The following MUSK variants were observed in gnomAD, a reference collection of about 807,000 sequenced individuals.
MUSK encodes the protein muscle, skeletal receptor tyrosine-protein kinase.
Under a neutral mutation model 88.7 loss-of-function variants are expected in MUSK, and 55 were observed. That is an observed-to-expected ratio of 0.62 (90% CI 0.50 to 0.78). The LOEUF (loss-of-function observed/expected upper bound fraction) is 0.78, where lower values mean the gene tolerates loss of function less well. Ranked by LOEUF, MUSK falls within the 30% of genes least tolerant of loss-of-function variation. The pLI, the probability that MUSK is intolerant of heterozygous loss-of-function variation, is 0.00. For synonymous variants in MUSK, 387 were observed against 391.9 expected (o/e 0.99, Z 0.15); for missense variants, 1,015 against 1,074.3 (o/e 0.94, Z 0.77).
At chr9:110,786,574 AT>A (rs2132030209) in intron 13 of MUSK, among the ~76,000 whole-genome samples, 1 of 152,214 alleles carries the variant, frequency 6.6e-6, no homozygotes, top group Admixed American at 6.5e-5. Flanking sequence ...TTTACCATAT[AT>A]TTTTAATCAT....
At chr9:110,785,174 A>G (rs1396257288) in intron 12 of MUSK, among the ~76,000 whole-genome samples, 158 bp downstream of exon 12, 1 of 152,178 alleles carries the variant, frequency 6.6e-6, no homozygotes, top group Non-Finnish European at 1.5e-5. Flanking sequence ...GATCTTTACA[A>G]ATGTCAATGA....
At chr9:110,689,936 A>G (rs866525804) in intron 3 of MUSK, among the ~76,000 whole-genome samples, 1 of 91,066 alleles carries the variant, frequency 1.1e-5, no homozygotes, top group Non-Finnish European at 1.9e-5. Context: ...TATAATATAT[A>G]AATATATATT....
intron 11 of MUSK, among the ~76,000 whole-genome samples, chr9:110,781,304 T>C (rs1209608018): frequency 1.3e-5 from 2 of 151,736 alleles, no homozygotes; most frequent in Admixed American, 1.3e-4. Context: ...TGAGACGGAG[T>C]CTCACTCTGT....
chr9:110,753,976 T>C (rs959700314), intron 7 of MUSK, among the ~76,000 whole-genome samples: 8 of 152,214 alleles, frequency 5.3e-5, no homozygotes, highest in Non-Finnish European at 1.0e-4. Context: ...CCTCCCAATG[T>C]TGGAGATAAT....
chr9:110,704,995 A>AG (rs970037116), intron 5 of MUSK, among the ~76,000 whole-genome samples: 7 of 151,630 alleles, frequency 4.6e-5, no homozygotes, highest in African/African-American at 1.2e-4. Flanking sequence ...AAAAAAAAAA[A>AG]AAAGAAAGAA....
chr9:110,751,147 G>A (rs1482751703), intron 7 of MUSK, among the ~76,000 whole-genome samples: 1 of 152,148 alleles, frequency 6.6e-6, no homozygotes, highest in Non-Finnish European at 1.5e-5. Context: ...CAATCTTTAA[G>A]ATGCCGAGAG....
At position 110,689,021 on chromosome 9, in the gene MUSK, T is replaced by C. The variant is rs144899477; in HGVS notation, c.358+1753T>C. On this transcript the variant is annotated intron_variant, in intron 3 of 14. Coordinates refer to ENST00000374448, the MANE Select transcript of MUSK (RefSeq NM_005592.4). ...TTAAATATATAAAAACATATTTAAA[T>C]ATAAATACGTATAACTATATATTTA... Among the ~76,000 whole-genome samples the C allele has an allele frequency of 1.4e-3, 192 of 142,040 alleles. 1 individual carries two copies. The East Asian group carries it at 0.016, about 12-fold the overall frequency. 93.2% of individuals were successfully genotyped at this position (142,040 alleles called of 152,430 possible).
chr9:110,679,827 C>T (rs570706861), intron 1 of MUSK, among the ~76,000 whole-genome samples: 27 of 148,368 alleles, frequency 1.8e-4, no homozygotes, highest in African/African-American at 6.7e-4. Context: ...TTGTTTATGG[C>T]AAAGAGCTTA....
At chr9:110,694,836 G>A (rs199689321) in intron 3 of MUSK, among the ~76,000 whole-genome samples, 5 of 93,850 alleles carry the variant, frequency 5.3e-5, no homozygotes, top group African/African-American at 2.3e-4. Flanking sequence ...TAAATTACAT[G>A]TTTGAGTCCC....
chr9:110,744,749 G>C (rs150479547), intron 6 of MUSK, among the ~76,000 whole-genome samples: 1 of 152,144 alleles, frequency 6.6e-6, no homozygotes, highest in Non-Finnish European at 1.5e-5. Context: ...CCAGAGCAGG[G>C]AGCTGTGTCT....
In MUSK at chr9:110,687,164, C is replaced by T. The variant is rs2131669595; in HGVS notation, c.254C>T (p.Thr85Ile). ...ATCCGGGAGAATGGGCAGCTCCTCA[C>T]CATCCTGAGTGTGGAAGACAGTGAT... ...YSIRENGQLL[T>I]ILSVEDSDDG... The change falls in exon 3 of 15, where the codon ACC becomes ATC. Residue 85 changes from threonine to isoleucine, a missense_variant. Thr to Ile is a moderately conservative substitution (Grantham distance 89). Coordinates refer to ENST00000374448, the MANE Select transcript of MUSK (RefSeq NM_005592.4). 6 of 1,613,704 alleles carry T rather than the reference C, an allele frequency of 3.7e-6. No individual in the cohort carries two copies. In the East Asian group the frequency reaches 1.3e-4, roughly 36 times the overall value.
intron 3 of MUSK, among the ~76,000 whole-genome samples, chr9:110,689,044 TTAAATATA>T (rs1277645166): frequency 1.4e-5 from 2 of 140,462 alleles, no homozygotes; most frequent in African/African-American, 5.2e-5. Context: ...AACTATATAT[TTAAATATA>T]TAAATATATA....
chr9:110,757,442 G>T (rs1339798286), intron 7 of MUSK, among the ~76,000 whole-genome samples: 2 of 147,756 alleles, frequency 1.4e-5, no homozygotes, highest in South Asian at 4.3e-4. Flanking sequence ...CTGGGCAACA[G>T]AGTGAGACTC....
intron 5 of MUSK, among the ~76,000 whole-genome samples, chr9:110,701,685 CTTTACTT>C (rs1319326962): frequency 0.21 from 694 of 3,274 alleles, 127 homozygotes; most frequent in East Asian, 0.45. Context: ...ATTTTTTTTA[CTTTACTT>C]TATTTTATTT....
chr9:110,760,015 C>T (rs1037187968), intron 7 of MUSK, among the ~76,000 whole-genome samples: 1 of 152,062 alleles, frequency 6.6e-6, no homozygotes, highest in Non-Finnish European at 1.5e-5. Flanking sequence ...CCTCCTGGGC[C>T]ACACAGTGAG....
intron 3 of MUSK, among the ~76,000 whole-genome samples, chr9:110,695,194 TA>T (rs2076416049): frequency 6.6e-6 from 1 of 152,186 alleles, no homozygotes; most frequent in South Asian, 2.1e-4. Context: ...AGTAAGATTC[TA>T]ATAAAGCAGA....
At chr9:110,776,301 A>C (rs1408472876) in intron 10 of MUSK, among the ~76,000 whole-genome samples, 9 of 152,220 alleles carry the variant, frequency 5.9e-5, no homozygotes. Context: ...TTTTGTCAGC[A>C]GAGTGGAATA....
At chr9:110,770,757 T>TA (rs71281875) in intron 9 of MUSK, among the ~76,000 whole-genome samples, 260 of 151,492 alleles carry the variant, frequency 1.7e-3, no homozygotes, top group African/African-American at 5.2e-3. Flanking sequence ...TACTTTTTTT[T>TA]AATTAAATTT....
chr9:110,719,220 A>T (rs1244477117), intron 5 of MUSK, among the ~76,000 whole-genome samples: 2 of 152,116 alleles, frequency 1.3e-5, no homozygotes, highest in Non-Finnish European at 2.9e-5. Context: ...CAATGAATAG[A>T]ATAGTACCTC....
Sources: gnomAD v4.1 joint callset for allele counts (sites outside exome capture counted in the v4.1 genomes callset) on GRCh38, gnomAD v4.1.1 for gene constraint, MANE v1.5 for transcripts, NCBI Gene and HGNC (gene_info 2026-07-23, HGNC 2026-07-21) for gene names.